Variants in CDH13 observed in about 807,000 individuals in gnomAD.
CDH13 encodes the protein cadherin-13.
CDH13 carries 24 observed loss-of-function variants against 63.8 expected under a neutral mutation model. That is an observed-to-expected ratio of 0.38 (90% CI 0.27 to 0.53). The LOEUF (loss-of-function observed/expected upper bound fraction) is 0.53, where lower values mean the gene tolerates loss of function less well. Among genes scored for constraint, CDH13 ranks in the 20% least tolerant of loss-of-function variants. The pLI is 0.85. For missense variants in CDH13, 1,049 were observed against 903.1 expected, an observed-to-expected ratio of 1.16 and a Z score of -2.07; for synonymous variants, 503 against 355.3, an observed-to-expected ratio of 1.42 and a Z score of -4.67.
intron 2 of CDH13, among the ~76,000 whole-genome samples, chr16:82,913,245 T>G (rs1248413839): frequency 1.3e-5 from 2 of 152,144 alleles, no homozygotes; most frequent in Non-Finnish European, 2.9e-5. Context: ...AAAGGGCAGG[T>G]AGCAGGTCTG....
At chr16:83,465,754 C>A (rs1224115281) in intron 6 of CDH13, among the ~76,000 whole-genome samples, 1 of 152,160 alleles carries the variant, frequency 6.6e-6, no homozygotes, top group Admixed American at 6.5e-5. Context: ...AGCAAAGTTG[C>A]CTCTTTTACT....
chr16:83,413,009 C>G (rs1003233134), intron 6 of CDH13, among the ~76,000 whole-genome samples: 14 of 152,272 alleles, frequency 9.2e-5, no homozygotes, highest in Admixed American at 1.3e-4. Context: ...TTTTCTTTGT[C>G]CAATATATTG....
intron 11 of CDH13, among the ~76,000 whole-genome samples, chr16:83,755,313 C>G (rs1409453110): frequency 6.6e-6 from 1 of 152,074 alleles, no homozygotes; most frequent in Non-Finnish European, 1.5e-5. Context: ...GGGAAAAAAT[C>G]TGCCAAAAGA....
At chr16:83,258,647 C>T (rs994475378) in intron 5 of CDH13, among the ~76,000 whole-genome samples, 4 of 152,170 alleles carry the variant, frequency 2.6e-5, no homozygotes, top group African/African-American at 7.2e-5. Flanking sequence ...TTAACAGAGA[C>T]GTGGTGGCAA....
chr16:82,989,426 A>G (rs1301787152), intron 2 of CDH13, among the ~76,000 whole-genome samples: 3 of 152,068 alleles, frequency 2.0e-5, no homozygotes, highest in Non-Finnish European at 4.4e-5. Flanking sequence ...GGATGGGGAG[A>G]TGAAGAAGCC....
chr16:82,659,921 C>T (rs1054752873), intron 1 of CDH13, among the ~76,000 whole-genome samples: 1 of 152,104 alleles, frequency 6.6e-6, no homozygotes, highest in Admixed American at 6.5e-5. Context: ...CAGACATTGT[C>T]AAGTGTCTCC....
chr16:83,420,684 T>G (rs1437438176), intron 6 of CDH13, among the ~76,000 whole-genome samples: 1 of 152,130 alleles, frequency 6.6e-6, no homozygotes, highest in East Asian at 1.9e-4. Flanking sequence ...GATTACAAGG[T>G]AAAGTCCCAC....
At chr16:82,717,119 A>G (rs774446265) in intron 1 of CDH13, among the ~76,000 whole-genome samples, 3 of 152,208 alleles carry the variant, frequency 2.0e-5, no homozygotes, top group East Asian at 1.9e-4. Flanking sequence ...CCACACTGCC[A>G]TCTTCTGCCT....
At chr16:83,319,313 G>T (rs1320963399) in intron 5 of CDH13, among the ~76,000 whole-genome samples, 10 of 152,142 alleles carry the variant, frequency 6.6e-5, no homozygotes, top group Non-Finnish European at 1.5e-4. Context: ...TCCTTCCGAA[G>T]GCGTTTATTC....
At chr16:83,379,732 A>G (rs1486647803) in intron 6 of CDH13, among the ~76,000 whole-genome samples, 1 of 152,122 alleles carries the variant, frequency 6.6e-6, no homozygotes, top group Admixed American at 6.6e-5. Flanking sequence ...GCATTGTTTG[A>G]AAACCACTAC....
At chr16:82,999,165 C>T (rs1783852683) in intron 2 of CDH13, among the ~76,000 whole-genome samples, 1 of 152,108 alleles carries the variant, frequency 6.6e-6, no homozygotes, top group Non-Finnish European at 1.5e-5. Flanking sequence ...TATCTATGTA[C>T]CTTGTAACTT....
chr16:83,326,210 GACA>G (rs1477578435), intron 5 of CDH13, among the ~76,000 whole-genome samples: 1 of 151,954 alleles, frequency 6.6e-6, no homozygotes, highest in African/African-American at 2.4e-5. Context: ...TTTTTCGCCG[GACA>G]ACAACAACAA....
In CDH13 at chr16:83,538,252, T is replaced by C. The variant is rs112806602; in HGVS notation, c.960+51597T>C. ...TTGGATTGTGCACAAATACATTTAT[T>C]TCTGGGTATGTTTAGGTTATTTCTT... is the stretch of plus-strand genomic sequence containing the variant. On this transcript the variant is annotated intron_variant, in intron 7 of 13. Coordinates refer to ENST00000567109, the MANE Select transcript of CDH13 (RefSeq NM_001257.5). Among the ~76,000 whole-genome samples the C allele has an allele frequency of 3.5e-4, 54 of 152,352 alleles. 1 individual carries two copies. Among genetic ancestry groups the C allele is most frequent in the African/African-American group, 1.3e-3 (54 of 41,582 alleles).
chr16:83,127,962 G>A lies in CDH13; in HGVS notation c.483+2461G>A, dbSNP rs181988756. On this transcript the variant is annotated intron_variant, in intron 4 of 13. Coordinates refer to ENST00000567109, the MANE Select transcript of CDH13 (RefSeq NM_001257.5). Reference sequence around the variant, plus strand: ...TAGCCACTGTGATGATCCTTTTCTAGACAGGTTTCCTGGGAGCCCAAGATG... The same window carrying A: ...TAGCCACTGTGATGATCCTTTTCTAAACAGGTTTCCTGGGAGCCCAAGATG... Among the ~76,000 whole-genome samples the A allele has an allele frequency of 4.7e-3, 712 of 152,258 alleles. 5 individuals carry two copies. Among genetic ancestry groups the A allele is most frequent in the Middle Eastern group, 6.8e-3 (2 of 294 alleles).
rs1160372528 is a variant in CDH13, at chr16:82,667,464, G to A, written c.45+40327G>A. On this transcript the variant is annotated intron_variant, in intron 1 of 13. Transcript: ENST00000567109. ...ATAATTCCTCCACTCATTCCCATCT[G>A]CTATTGGCCATATGTTGGCTCAAGG... Among the ~76,000 whole-genome samples, 7 of 152,202 alleles carry A rather than the reference G, an allele frequency of 4.6e-5. No individual in the cohort carries two copies. In the East Asian group the frequency reaches 1.3e-3, roughly 29 times the overall value.
At chr16:83,037,467 A>G (rs1283793888) in intron 3 of CDH13, among the ~76,000 whole-genome samples, 1 of 152,192 alleles carries the variant, frequency 6.6e-6, no homozygotes, top group African/African-American at 2.4e-5. Context: ...CATGGGAGCA[A>G]TGGAGGGAAA....
intron 1 of CDH13, among the ~76,000 whole-genome samples, chr16:82,808,169 A>G (rs1359282635): frequency 1.3e-5 from 2 of 152,164 alleles, no homozygotes; most frequent in South Asian, 2.1e-4. Flanking sequence ...AAATGAAATG[A>G]GAGGGGATAA....
At chr16:83,251,525 C>T (rs1244445748) in intron 5 of CDH13, among the ~76,000 whole-genome samples, 6 of 152,180 alleles carry the variant, frequency 3.9e-5, no homozygotes, top group Non-Finnish European at 8.8e-5. Context: ...CTATGGGACA[C>T]ATGTCTGTTC....
chr16:82,978,858 C>A (rs1909878394), intron 2 of CDH13, among the ~76,000 whole-genome samples: 1 of 144,794 alleles, frequency 6.9e-6, no homozygotes, highest in African/African-American at 2.6e-5. Context: ...ATCCTCCATA[C>A]CCCAAAATGG....
Sources: gnomAD v4.1 joint callset for allele counts (sites outside exome capture counted in the v4.1 genomes callset) on GRCh38, gnomAD v4.1.1 for gene constraint, MANE v1.5 for transcripts, NCBI Gene and HGNC (gene_info 2026-07-23, HGNC 2026-07-21) for gene names.